The following TGFBR2 variants were observed in gnomAD, a reference collection of about 807,000 sequenced individuals.
TGFBR2 encodes the protein TGF-beta receptor type-2.
A neutral mutation model predicts 49.0 loss-of-function variants in TGFBR2; 18 were observed. The ratio of observed to expected loss-of-function variants is 0.37; its 90% CI spans 0.25 to 0.54. The LOEUF (loss-of-function observed/expected upper bound fraction) is 0.54, where lower values mean the gene tolerates loss of function less well. TGFBR2 is among the 20% of genes least tolerant of loss of function. The pLI, the probability that TGFBR2 is intolerant of heterozygous loss-of-function variation, is 0.85. For synonymous variants in TGFBR2, 282 were observed against 275.9 expected (o/e 1.02, Z -0.22); for missense variants, 525 against 722.6 (o/e 0.73, Z 3.13).
Position 30,672,155 on chromosome 3 carries a change from C to G in TGFBR2, c.972C>G (p.Ile324Met), listed in dbSNP as rs2125435420. ...AGTTGGGGAAACAATACTGGCTGATCACCGCCTTCCACGCCAAGGGCAACC... is the reference window on the plus strand; with the variant it reads ...AGTTGGGGAAACAATACTGGCTGATGACCGCCTTCCACGCCAAGGGCAACC... ...KTELGKQYWLITAFHAKGNLQ... is the reference protein window; with the variant it reads ...KTELGKQYWLMTAFHAKGNLQ... The change falls in exon 4 of 7, where the codon ATC becomes ATG. Residue 324 changes from isoleucine to methionine, a missense_variant. Around this residue, in one of 3 missense-constraint regions of TGFBR2, gnomAD observed 376 missense variants for 478.2 expected, o/e 0.79. Coordinates refer to ENST00000295754, the MANE Select transcript of TGFBR2 (RefSeq NM_003242.6). The surrounding 1 kb of genome is among the most constrained non-coding windows in gnomAD (Gnocchi z 4.5). 1 of 1,614,140 alleles carries G rather than the reference C, an allele frequency of 6.2e-7. No homozygotes were observed. The highest frequency in any genetic ancestry group is 8.5e-7 in the Non-Finnish European group (1 of 1,180,010).
chr3:30,678,681 GTGTGGCTGCT>G (rs1699484559), intron 5 of TGFBR2, among the ~76,000 whole-genome samples: 1 of 152,060 alleles, frequency 6.6e-6, no homozygotes, highest in Non-Finnish European at 1.5e-5. Context: ...AGGAGAGTAA[GTGTGGCTGCT>G]TGGATTTCTC....
intron 6 of TGFBR2, among the ~76,000 whole-genome samples, chr3:30,690,526 C>T (rs549310553): frequency 1.3e-5 from 2 of 152,244 alleles, no homozygotes; most frequent in Admixed American, 6.5e-5. Flanking sequence ...CTTGGCAGCT[C>T]GTAGAAGCTG....
At chr3:30,619,510 T>C (rs1196049062) in intron 1 of TGFBR2, among the ~76,000 whole-genome samples, 1 of 152,140 alleles carries the variant, frequency 6.6e-6, no homozygotes, top group Non-Finnish European at 1.5e-5. Flanking sequence ...CTTGTGCTGA[T>C]GGGACACAGG....
chr3:30,615,363 C>T (rs1430086197), intron 1 of TGFBR2, among the ~76,000 whole-genome samples: 9 of 152,172 alleles, frequency 5.9e-5, no homozygotes, highest in Admixed American at 5.9e-4. Context: ...CGAAATCTTG[C>T]AGTGCCCTGA....
chr3:30,663,793 T>C (rs747577704), intron 3 of TGFBR2, among the ~76,000 whole-genome samples: 2 of 152,194 alleles, frequency 1.3e-5, no homozygotes, highest in Non-Finnish European at 2.9e-5. Flanking sequence ...AGTAATTCAC[T>C]AAGCCAGACA....
chr3:30,631,602 CA>C (rs1698437390), intron 1 of TGFBR2, among the ~76,000 whole-genome samples: 1 of 143,906 alleles, frequency 6.9e-6, no homozygotes. Context: ...GAAGCCTTAA[CA>C]ATACTTGCAA....
In TGFBR2 at chr3:30,676,611, C is replaced by T. The variant is rs1699442649; in HGVS notation, c.1396+2365C>T. Among the ~76,000 whole-genome samples the T allele has an allele frequency of 6.6e-6, 1 of 152,206 alleles. No homozygotes were observed. The highest frequency in any genetic ancestry group is 2.4e-5 in the African/African-American group (1 of 41,436). Reference sequence around the variant, plus strand: ...GCTCAGGTTGCCACAGCTTGGGTCACTGGTCCAAACTACCCAACATTTTGC... The same window carrying T: ...GCTCAGGTTGCCACAGCTTGGGTCATTGGTCCAAACTACCCAACATTTTGC... On this transcript the variant is annotated intron_variant, in intron 5 of 6. Transcript: ENST00000295754. This position sits in a 1 kb window ranked among gnomAD's most constrained non-coding sequence, Gnocchi z 4.3.
chr3:30,667,471 G>C (rs1699265741), intron 3 of TGFBR2, among the ~76,000 whole-genome samples: 1 of 152,196 alleles, frequency 6.6e-6, no homozygotes, highest in Non-Finnish European at 1.5e-5. Context: ...GAAGTTTCAA[G>C]ATTGACAGAT....
chr3:30,632,471 C>T (rs1188440994), intron 1 of TGFBR2, among the ~76,000 whole-genome samples: 1 of 152,166 alleles, frequency 6.6e-6, no homozygotes, highest in Admixed American at 6.5e-5. Context: ...TGATTGATTC[C>T]ATTGTATATT....
rs997676599 is a variant in TGFBR2, at chr3:30,646,234, G to T, written c.263+1319G>T. On this transcript the variant is annotated intron_variant, in intron 2 of 6. Coordinates refer to ENST00000295754, the MANE Select transcript of TGFBR2 (RefSeq NM_003242.6). ...TTCTGTACATACCACGGGATGAACT[G>T]GTTTCTTAAGAACTGAAGGAATGTT... Among the ~76,000 whole-genome samples the T allele has an allele frequency of 3.9e-5, 6 of 152,248 alleles. No homozygotes were observed. The East Asian group carries it at 1.2e-3, about 29-fold the overall frequency.
At chr3:30,652,825 C>A (rs2125413210) in intron 3 of TGFBR2, among the ~76,000 whole-genome samples, 1 of 152,266 alleles carries the variant, frequency 6.6e-6, no homozygotes, top group Middle Eastern at 3.4e-3. Context: ...CAAGTTGGAT[C>A]TATATTTTAT....
intron 5 of TGFBR2, among the ~76,000 whole-genome samples, chr3:30,683,626 A>G (rs988140824): frequency 2.6e-5 from 4 of 152,278 alleles, no homozygotes; most frequent in African/African-American, 9.6e-5. Context: ...ATATTTGTTT[A>G]GTCATTTCAT....
At position 30,671,923 on chromosome 3, in the gene TGFBR2, A is replaced by T. The variant is rs761231369; in HGVS notation, c.740A>T (p.Asp247Val). 5 of 1,614,084 alleles carry T rather than the reference A, an allele frequency of 3.1e-6. No individual in the cohort carries two copies. In the East Asian group the frequency reaches 1.1e-4, roughly 36 times the overall value. Residue 247 changes from aspartate (D) to valine (V), a missense_variant, in exon 4 of 7, where the codon GAC becomes GTC. Coordinates refer to ENST00000295754, the MANE Select transcript of TGFBR2 (RefSeq NM_003242.6). ...ACAGAGCTGCTGCCCATTGAGCTGG[A>T]CACCCTGGTGGGGAAAGGTCGCTTT... ...HNTELLPIEL[D>V]TLVGKGRFAE...
chr3:30,681,755 C>A (rs190997610), intron 5 of TGFBR2, among the ~76,000 whole-genome samples: 1 of 152,172 alleles, frequency 6.6e-6, no homozygotes, highest in Non-Finnish European at 1.5e-5. Flanking sequence ...GAGGGTGAGA[C>A]AAAGACTTGG....
chr3:30,640,476 T>C (rs900447099), intron 1 of TGFBR2, among the ~76,000 whole-genome samples: 6 of 152,278 alleles, frequency 3.9e-5, no homozygotes, highest in South Asian at 2.1e-4. Flanking sequence ...TTATATAAAA[T>C]TGTGTAATAT....
At chr3:30,627,337 T>C (rs1022241535) in intron 1 of TGFBR2, among the ~76,000 whole-genome samples, 1 of 152,154 alleles carries the variant, frequency 6.6e-6, no homozygotes, top group Non-Finnish European at 1.5e-5. Context: ...CACCATCGTT[T>C]GGAATTCTGA....
At chr3:30,655,945 C>T (rs9832753) in intron 3 of TGFBR2, among the ~76,000 whole-genome samples, 6,932 of 152,268 alleles carry the variant, frequency 0.046, 528 homozygotes, top group African/African-American at 0.16. Flanking sequence ...CTTATTAGAA[C>T]TGCACAACCT....
chr3:30,670,755 C>G (rs113171817), intron 3 of TGFBR2, among the ~76,000 whole-genome samples: 56 of 152,362 alleles, frequency 3.7e-4, no homozygotes, highest in African/African-American at 1.3e-3. Flanking sequence ...AATTCCAAGT[C>G]AAAAAACTGC....
chr3:30,667,522 A>G (rs1314518037), intron 3 of TGFBR2, among the ~76,000 whole-genome samples: 1 of 152,216 alleles, frequency 6.6e-6, no homozygotes, highest in South Asian at 2.1e-4. Context: ...TTTAAGTGTA[A>G]GTCTTCTAAA....
Sources: gnomAD v4.1 joint callset for allele counts (sites outside exome capture counted in the v4.1 genomes callset) on GRCh38, gnomAD v4.1.1 for gene constraint, gnomAD v4.1.1 regional missense constraint, Gnocchi (gnomAD v3.1) non-coding constraint, MANE v1.5 for transcripts, NCBI Gene and HGNC (gene_info 2026-07-23, HGNC 2026-07-21) for gene names.